The following PRDM6 variants were observed in gnomAD, a reference collection of about 807,000 sequenced individuals.
The protein encoded by PRDM6 is putative histone-lysine N-methyltransferase PRDM6.
A neutral mutation model predicts 60.8 loss-of-function variants in PRDM6; 25 were observed. The observed-to-expected ratio is 0.41, with a 90% CI of 0.30 to 0.57. The LOEUF (loss-of-function observed/expected upper bound fraction) is 0.57. Ranked by LOEUF, PRDM6 falls within the 20% of genes least tolerant of loss-of-function variation. PRDM6 has a pLI of 0.27. For missense variants in PRDM6, 839 were observed against 821.3 expected (o/e 1.02, Z -0.26); for synonymous variants, 407 against 357.4 (o/e 1.14, Z -1.57).
intron 5 of PRDM6, among the ~76,000 whole-genome samples, chr5:123,168,124 T>C (rs1765800024): frequency 6.6e-6 from 1 of 152,212 alleles, no homozygotes; most frequent in Non-Finnish European, 1.5e-5. Context: ...CCATAATATA[T>C]TTTTTAAGTG....
At chr5:123,131,190 G>A (rs779342466) in intron 3 of PRDM6, among the ~76,000 whole-genome samples, 5 of 152,184 alleles carry the variant, frequency 3.3e-5, no homozygotes, top group Non-Finnish European at 5.9e-5. Context: ...AGGCTAGTAG[G>A]GAGGGGAGAT....
At chr5:123,118,805 G>A (rs1368441321) in intron 3 of PRDM6, among the ~76,000 whole-genome samples, 2 of 152,252 alleles carry the variant, frequency 1.3e-5, no homozygotes, top group South Asian at 2.1e-4. Flanking sequence ...TTCTGCCCTA[G>A]AATTTTTTTT....
intron 6 of PRDM6, among the ~76,000 whole-genome samples, chr5:123,176,903 A>G (rs962658448): frequency 4.6e-5 from 7 of 152,248 alleles, no homozygotes; most frequent in Non-Finnish European, 1.0e-4. Context: ...CCTTTTGGTC[A>G]GACCTTGGAA....
chr5:123,145,217 C>T (rs1765213490), intron 3 of PRDM6, among the ~76,000 whole-genome samples: 2 of 152,286 alleles, frequency 1.3e-5, no homozygotes, highest in South Asian at 4.1e-4. Flanking sequence ...ATGTAGGAAT[C>T]CCATTCTAGA....
chr5:123,183,955 T>A (rs1025705846), intron 7 of PRDM6, among the ~76,000 whole-genome samples: 1 of 152,156 alleles, frequency 6.6e-6, no homozygotes, highest in Non-Finnish European at 1.5e-5. Context: ...TCTTCATTAT[T>A]GTTAGAAGCA....
intron 2 of PRDM6, among the ~76,000 whole-genome samples, chr5:123,098,650 C>T (rs1041323585): frequency 6.6e-6 from 1 of 152,218 alleles, no homozygotes; most frequent in Admixed American, 6.5e-5. Context: ...ACAGCTTTAT[C>T]TACAGCTTCA....
chr5:123,121,934 C>T (rs1459449939), intron 3 of PRDM6, among the ~76,000 whole-genome samples: 2 of 150,202 alleles, frequency 1.3e-5, no homozygotes, highest in Admixed American at 6.6e-5. Flanking sequence ...GAGGCCAAGG[C>T]CGGCGGATCA....
intron 7 of PRDM6, among the ~76,000 whole-genome samples, chr5:123,184,795 C>G (rs1049418197): frequency 4.6e-5 from 7 of 152,190 alleles, no homozygotes; most frequent in Non-Finnish European, 7.3e-5. Context: ...ATATCTAGCT[C>G]TTACTTCCTC....
intron 6 of PRDM6, among the ~76,000 whole-genome samples, chr5:123,172,941 C>T (rs1224800398): frequency 3.3e-5 from 5 of 152,166 alleles, no homozygotes; most frequent in Non-Finnish European, 5.9e-5. Context: ...CCTGTAAACC[C>T]AGCACTTTGG....
In PRDM6 at chr5:123,090,520, G is replaced by T; in HGVS notation, c.506G>T (p.Ser169Ile). The change falls in exon 2 of 8, where the codon AGC becomes ATC. Residue 169 changes from serine to isoleucine, a missense_variant. By Grantham distance (142) the Ser-to-Ile change is moderately radical. This residue lies in a region of PRDM6 where 730 missense variants were observed against 648.8 expected (regional missense o/e 1.13). Coordinates refer to ENST00000407847, the MANE Select transcript of PRDM6 (RefSeq NM_001136239.4). Reference protein sequence around the residue: ...EGRGAPRFRCSAEELDYYLYG... With the variant: ...EGRGAPRFRCIAEELDYYLYG... ...CGCGGCGCCCCGCGCTTCCGCTGCA[G>T]CGCAGAGGAGCTGGACTATTACCTG... The T allele has an allele frequency of 6.6e-7, 1 of 1,504,720 alleles. No individual in the cohort carries two copies. Among genetic ancestry groups the T allele is most frequent in the Non-Finnish European group, 8.8e-7 (1 of 1,135,434 alleles). 93.2% of individuals were successfully genotyped at this position (1,504,720 alleles called of 1,614,324 possible).
chr5:123,091,090 A>AG (rs1763830020), intron 2 of PRDM6, among the ~76,000 whole-genome samples: 2 of 151,944 alleles, frequency 1.3e-5, no homozygotes, highest in South Asian at 4.2e-4. Context: ...CCACCTCTGG[A>AG]GGGGTCATTT....
At chr5:123,143,425 C>T (rs980533437) in intron 3 of PRDM6, among the ~76,000 whole-genome samples, 2 of 152,160 alleles carry the variant, frequency 1.3e-5, no homozygotes, top group African/African-American at 4.8e-5. Flanking sequence ...AGGAAGCCTA[C>T]AGGTTATAAC....
intron 3 of PRDM6, 111 bp from the exon 4 acceptor site, chr5:123,155,773 A>T: frequency 7.9e-7 from 1 of 1,259,410 alleles, no homozygotes; most frequent in Non-Finnish European, 1.1e-6. Context: ...GCACTAGCAA[A>T]CCTAAGGGCA....
At chr5:123,155,006 C>A (rs778952245) in intron 3 of PRDM6, among the ~76,000 whole-genome samples, 1 of 152,138 alleles carries the variant, frequency 6.6e-6, no homozygotes, top group Non-Finnish European at 1.5e-5. Flanking sequence ...AATCTGAAGT[C>A]GTTTCTGGAA....
chr5:123,112,863 C>A (rs887515696), intron 3 of PRDM6, among the ~76,000 whole-genome samples: 6 of 121,158 alleles, frequency 5.0e-5, no homozygotes, highest in Admixed American at 1.1e-4. Flanking sequence ...TTTATGAAGT[C>A]AATCATTAGT....
intron 3 of PRDM6, among the ~76,000 whole-genome samples, chr5:123,122,128 A>T (rs536575572): frequency 8.7e-5 from 11 of 126,102 alleles, no homozygotes; most frequent in African/African-American, 3.1e-5. Flanking sequence ...CCACCATTGC[A>T]CTCCAGCCTG....
chr5:123,132,044 C>A (rs1764845116), intron 3 of PRDM6, among the ~76,000 whole-genome samples: 1 of 152,176 alleles, frequency 6.6e-6, no homozygotes, highest in African/African-American at 2.4e-5. Context: ...CAGTGCCTGG[C>A]ACAGAGCAGG....
At chr5:123,129,565 A>G (rs1199339969) in intron 3 of PRDM6, among the ~76,000 whole-genome samples, 1 of 152,216 alleles carries the variant, frequency 6.6e-6, no homozygotes, top group African/African-American at 2.4e-5. Flanking sequence ...AGGACTTGGT[A>G]TATCATTATC....
intron 6 of PRDM6, chr5:123,173,319 A>G (rs556196264): frequency 6.0e-6 from 1 of 165,944 alleles, no homozygotes; most frequent in Non-Finnish European, 1.5e-5. Context: ...TTACGTATTC[A>G]AAATACATTT....
Sources: gnomAD v4.1 joint callset for allele counts (sites outside exome capture counted in the v4.1 genomes callset) on GRCh38, gnomAD v4.1.1 for gene constraint, gnomAD v4.1.1 regional missense constraint, MANE v1.5 for transcripts, NCBI Gene and HGNC (gene_info 2026-07-23, HGNC 2026-07-21) for gene names.